The following GRM8 variants were observed in gnomAD, a reference collection of about 807,000 sequenced individuals.
GRM8 encodes glutamate metabotropic receptor 8.
In GRM8, 47 loss-of-function variants were observed where a neutral mutation model predicts 87.2. The ratio of observed to expected loss-of-function variants is 0.54; its 90% CI spans 0.43 to 0.69. The LOEUF is 0.69. Ranked by LOEUF, GRM8 falls within the 30% of genes least tolerant of loss-of-function variation. GRM8 has a pLI of 0.00. For synonymous variants in GRM8, 396 were observed against 404.5 expected, an observed-to-expected ratio of 0.98 and a Z score of 0.25; for missense variants, 1,019 against 1,139.2, an observed-to-expected ratio of 0.89 and a Z score of 1.52.
At chr7:126,800,703 C>A (rs1822571705) in intron 6 of GRM8, among the ~76,000 whole-genome samples, 1 of 151,864 alleles carries the variant, frequency 6.6e-6, no homozygotes. Context: ...CAAATGTACA[C>A]CAAAATAAAT....
At chr7:126,801,413 C>G (rs1054760329) in intron 6 of GRM8, among the ~76,000 whole-genome samples, 1 of 69,132 alleles carries the variant, frequency 1.4e-5, no homozygotes, top group African/African-American at 3.3e-5. Context: ...TAATTATTAA[C>G]TTAAAGGTTG....
At chr7:126,629,827 T>C (rs942681434) in intron 7 of GRM8, among the ~76,000 whole-genome samples, 17 of 152,152 alleles carry the variant, frequency 1.1e-4, no homozygotes, top group African/African-American at 4.1e-4. Flanking sequence ...ATGTGGAGCA[T>C]AATTAAAAGA....
intron 3 of GRM8, chr7:126,981,449 T>G (rs758545061): frequency 6.6e-6 from 1 of 152,190 alleles, no homozygotes; most frequent in Non-Finnish European, 1.5e-5. Flanking sequence ...CCATATCTGG[T>G]GGACACTCTC....
chr7:126,453,070 AACACACACACACACACACACAC>A (rs71177555), intron 9 of GRM8, among the ~76,000 whole-genome samples: 7 of 145,948 alleles, frequency 4.8e-5, no homozygotes, highest in African/African-American at 1.8e-4. Context: ...TTATAGCAGA[AACACACACACACACACACACAC>A]ACACACACAC....
chr7:127,000,981 T>C (rs1298705556), intron 3 of GRM8, among the ~76,000 whole-genome samples: 1 of 151,568 alleles, frequency 6.6e-6, no homozygotes, highest in Admixed American at 6.6e-5. Context: ...ATAGCCAAAA[T>C]CATTTGAAAA....
chr7:126,662,274 A>G (rs959353049), intron 7 of GRM8, among the ~76,000 whole-genome samples: 2 of 152,230 alleles, frequency 1.3e-5, no homozygotes, highest in Middle Eastern at 3.2e-3. Context: ...CTGGCCACCA[A>G]GTAGATTGGG....
At chr7:126,813,547 A>G (rs894486342) in intron 6 of GRM8, among the ~76,000 whole-genome samples, 1 of 152,096 alleles carries the variant, frequency 6.6e-6, no homozygotes, top group Admixed American at 6.6e-5. Context: ...ATTGGTTACT[A>G]TCTTAAATCA....
At chr7:127,056,695 G>T (rs1457513169) in intron 3 of GRM8, among the ~76,000 whole-genome samples, 1 of 152,172 alleles carries the variant, frequency 6.6e-6, no homozygotes, top group Non-Finnish European at 1.5e-5. Flanking sequence ...ACGTTATAAA[G>T]AATTACTTTG....
intron 6 of GRM8, among the ~76,000 whole-genome samples, chr7:126,828,239 G>A (rs1795012573): frequency 6.6e-6 from 1 of 152,122 alleles, no homozygotes; most frequent in African/African-American, 2.4e-5. Context: ...AATGAGTTAG[G>A]GAGGATTCCC....
chr7:127,211,284 A>G (rs919960514), intron 2 of GRM8, among the ~76,000 whole-genome samples: 1 of 152,214 alleles, frequency 6.6e-6, no homozygotes, highest in Non-Finnish European at 1.5e-5. Flanking sequence ...CCACTAGGGT[A>G]AGTCCAAGAG....
At chr7:126,565,972 T>C (rs750474397) in intron 8 of GRM8, among the ~76,000 whole-genome samples, 6 of 152,148 alleles carry the variant, frequency 3.9e-5, no homozygotes, top group Non-Finnish European at 7.4e-5. Context: ...TTGGGAAAAC[T>C]AGATATCCAC....
intron 2 of GRM8, among the ~76,000 whole-genome samples, chr7:127,203,909 T>C: frequency 6.6e-6 from 1 of 152,202 alleles, no homozygotes; most frequent in Middle Eastern, 3.4e-3. Flanking sequence ...AATAAATGCC[T>C]GCATTGTAGA....
chr7:126,996,576 C>T (rs1267376776), intron 3 of GRM8, among the ~76,000 whole-genome samples: 1 of 151,838 alleles, frequency 6.6e-6, no homozygotes, highest in Non-Finnish European at 1.5e-5. Flanking sequence ...TATAAAGATA[C>T]ACATAGACTA....
chr7:127,240,834 A>G (rs887421664), intron 2 of GRM8, among the ~76,000 whole-genome samples: 1 of 151,974 alleles, frequency 6.6e-6, no homozygotes, highest in Non-Finnish European at 1.5e-5. Context: ...AGATCCCAAG[A>G]TGTGGGAGGA....
At chr7:126,810,285 G>T (rs984582115) in intron 6 of GRM8, among the ~76,000 whole-genome samples, 3 of 152,062 alleles carry the variant, frequency 2.0e-5, no homozygotes, top group African/African-American at 7.2e-5. Flanking sequence ...TCCAAAGAAG[G>T]CTCTTTAAGA....
At chr7:126,548,020 G>A (rs556659189) in intron 8 of GRM8, among the ~76,000 whole-genome samples, 1 of 152,224 alleles carries the variant, frequency 6.6e-6, no homozygotes, top group South Asian at 2.1e-4. Flanking sequence ...ACAAAAAGAT[G>A]CGAAGAATAT....
At chr7:126,799,376 A>G (rs1302728352) in intron 6 of GRM8, among the ~76,000 whole-genome samples, 1 of 152,128 alleles carries the variant, frequency 6.6e-6, no homozygotes, top group African/African-American at 2.4e-5. Flanking sequence ...GATGGCAAAT[A>G]CCAATCAGTA....
intron 3 of GRM8, among the ~76,000 whole-genome samples, chr7:126,908,245 G>A (rs752998919): frequency 2.0e-4 from 30 of 152,060 alleles, no homozygotes; most frequent in Middle Eastern, 3.2e-3. Context: ...TAGAAAAGGT[G>A]AATTATAGAA....
intron 7 of GRM8, among the ~76,000 whole-genome samples, chr7:126,753,369 T>C (rs1438927607): frequency 1.4e-5 from 2 of 147,838 alleles, no homozygotes; most frequent in Admixed American, 6.9e-5. Flanking sequence ...TGACAGAATA[T>C]ACGCACGCAC....
Sources: gnomAD v4.1 joint callset for allele counts (sites outside exome capture counted in the v4.1 genomes callset) on GRCh38, gnomAD v4.1.1 for gene constraint, MANE v1.5 for transcripts, NCBI Gene and HGNC (gene_info 2026-07-23, HGNC 2026-07-21) for gene names.